The following PCDHA7 variants were observed in gnomAD, a reference collection of about 807,000 sequenced individuals.
PCDHA7 encodes the protein protocadherin alpha-7.
PCDHA7 carries 37 observed loss-of-function variants against 57.2 expected under a neutral mutation model. The observed-to-expected ratio is 0.65, with a 90% CI of 0.50 to 0.85. The LOEUF (loss-of-function observed/expected upper bound fraction) is 0.85. PCDHA7 is among the 40% of genes least tolerant of loss of function. PCDHA7 has a pLI of 0.00. For missense variants in PCDHA7, 1,188 were observed against 1,241.8 expected (o/e 0.96, Z 0.65); for synonymous variants, 553 against 558.8 (o/e 0.99, Z 0.15).
At chr5:140,872,472 A>T (rs1251918712) in intron 1 of PCDHA7, among the ~76,000 whole-genome samples, 1 of 152,106 alleles carries the variant, frequency 6.6e-6, no homozygotes, top group South Asian at 2.1e-4. Context: ...ATAAAAAATT[A>T]AAAAATTAGC....
intron 1 of PCDHA7, among the ~76,000 whole-genome samples, chr5:140,879,820 T>C (rs917285977): frequency 6.6e-6 from 1 of 152,232 alleles, no homozygotes; most frequent in Non-Finnish European, 1.5e-5. Flanking sequence ...CTGTTGGTGT[T>C]CCCTGGCTTG....
At chr5:141,000,030 C>T (rs1261016075) in intron 3 of PCDHA7, among the ~76,000 whole-genome samples, 3 of 152,058 alleles carry the variant, frequency 2.0e-5, no homozygotes, top group African/African-American at 7.2e-5. Flanking sequence ...GCCTGACATC[C>T]AATCACACAC....
intron 1 of PCDHA7, among the ~76,000 whole-genome samples, chr5:140,899,099 A>G (rs1379248424): frequency 6.6e-6 from 1 of 152,162 alleles, no homozygotes; most frequent in African/African-American, 2.4e-5. Context: ...GGCTGAGATA[A>G]TGGGGTTTTC....
At chr5:140,856,225 G>A (rs1554148421) in intron 1 of PCDHA7, 1 of 1,598,066 alleles carries the variant, frequency 6.3e-7, no homozygotes, top group Non-Finnish European at 8.6e-7. Context: ...CGGAGCTGGT[G>A]CAGCGCCTGT....
chr5:140,870,229 C>T (rs781897836), intron 1 of PCDHA7: 13 of 1,614,046 alleles, frequency 8.1e-6, no homozygotes, highest in East Asian at 4.5e-5. Context: ...CGTGTCTGAC[C>T]GTGACTCAGG....
intron 1 of PCDHA7, among the ~76,000 whole-genome samples, chr5:140,950,272 C>G (rs928839890): frequency 2.0e-5 from 3 of 151,950 alleles, no homozygotes; most frequent in Non-Finnish European, 4.4e-5. Flanking sequence ...TCCATAATGT[C>G]TTTTTGCTTC....
intron 1 of PCDHA7, chr5:140,877,906 A>C: frequency 7.0e-7 from 1 of 1,435,008 alleles, no homozygotes; most frequent in Non-Finnish European, 9.2e-7. Flanking sequence ...TTATAACTAC[A>C]TTCTCTCATT....
At chr5:140,868,810 G>C (rs944762063) in intron 1 of PCDHA7, 6 of 369,934 alleles carry the variant, frequency 1.6e-5, no homozygotes, top group African/African-American at 1.2e-4. Flanking sequence ...AAGCACGTTG[G>C]AAATATTTGG....
In PCDHA7 at chr5:140,835,883, C is replaced by T. The variant is rs149268300; in HGVS notation, c.1500C>T (p.Gly500=). ...VSYSLVELRV[G]ERALSSYVSV... Reference sequence around the variant, plus strand: ...ACTCGCTGGTGGAGCTGCGGGTGGGCGAGCGCGCGCTGTCGAGCTACGTGT... The same window carrying T: ...ACTCGCTGGTGGAGCTGCGGGTGGGTGAGCGCGCGCTGTCGAGCTACGTGT... The change falls in exon 1 of 4, where the codon GGC becomes GGT. Residue 500 remains glycine (G), a synonymous_variant. Coordinates refer to ENST00000525929, the MANE Select transcript of PCDHA7 (RefSeq NM_018910.3). 5.5e-4 allele frequency: 882 copies of T among 1,611,944 alleles called. 10 individuals carry two copies. In the African/African-American group the frequency reaches 9.6e-3, roughly 17 times the overall value.
chr5:140,883,093 A>T (rs1035461317), intron 1 of PCDHA7: 1 of 1,614,146 alleles, frequency 6.2e-7, no homozygotes, highest in Non-Finnish European at 8.5e-7. Flanking sequence ...GTACAAATGG[A>T]GATATAGTTT....
intron 1 of PCDHA7, chr5:140,877,590 G>T: frequency 1.2e-6 from 2 of 1,613,826 alleles, no homozygotes; most frequent in Non-Finnish European, 1.7e-6. Flanking sequence ...CCATCTGTGC[G>T]GTGTCCAGCC....
chr5:140,898,817 C>T (rs1381051036), intron 1 of PCDHA7, among the ~76,000 whole-genome samples: 1 of 151,766 alleles, frequency 6.6e-6, no homozygotes, highest in Admixed American at 6.6e-5. Context: ...TCTTCCTACC[C>T]ATGAGCATGG....
At chr5:140,942,434 T>C (rs2093297092) in intron 1 of PCDHA7, among the ~76,000 whole-genome samples, 1 of 151,244 alleles carries the variant, frequency 6.6e-6, no homozygotes, top group African/African-American at 2.4e-5. Flanking sequence ...TATCTAACAA[T>C]AAACAAGTAA....
intron 1 of PCDHA7, chr5:140,857,881 G>T: frequency 6.3e-7 from 1 of 1,597,760 alleles, no homozygotes; most frequent in Non-Finnish European, 8.6e-7. Context: ...ATGAATTGCA[G>T]TCGGCGGCGG....
In PCDHA7 at chr5:140,892,541, T is replaced by G. The variant is rs192378744; in HGVS notation, c.2355+55803T>G. Among the ~76,000 whole-genome samples, 3 of 152,250 alleles carry G rather than the reference T, an allele frequency of 2.0e-5. 1 individual carries two copies. The highest frequency in any genetic ancestry group is 7.2e-5 in the African/African-American group (3 of 41,464). ...CTGGTAGACTCAGGATTCTGACTTT[T>G]GTTTCTCTAGTCCTTGGAGACTGTC... On this transcript the variant is annotated intron_variant, in intron 1 of 3. Transcript: ENST00000525929.
intron 1 of PCDHA7, chr5:140,875,666 G>A (rs781866030): frequency 1.2e-6 from 2 of 1,613,786 alleles, no homozygotes; most frequent in East Asian, 4.5e-5. Flanking sequence ...CGCCTGTTCC[G>A]GGTGGCGTCC....
At chr5:140,977,307 G>C (rs1023836424) in intron 1 of PCDHA7, among the ~76,000 whole-genome samples, 1 of 152,186 alleles carries the variant, frequency 6.6e-6, no homozygotes, top group Admixed American at 6.5e-5. Flanking sequence ...ACAAGCTAAC[G>C]ATAGTGCTCC....
chr5:140,917,333 G>GT (rs1401985588), intron 1 of PCDHA7, among the ~76,000 whole-genome samples: 2 of 148,632 alleles, frequency 1.3e-5, no homozygotes, highest in Admixed American at 6.7e-5. Context: ...GCGGGGGAGG[G>GT]GGGGGATGGT....
chr5:140,883,483 C>A, intron 1 of PCDHA7: 1 of 1,614,196 alleles, frequency 6.2e-7, no homozygotes, highest in African/African-American at 1.3e-5. Flanking sequence ...AGAACTACTA[C>A]TCATTAGTGC....
Sources: gnomAD v4.1 joint callset for allele counts (sites outside exome capture counted in the v4.1 genomes callset) on GRCh38, gnomAD v4.1.1 for gene constraint, MANE v1.5 for transcripts, NCBI Gene and HGNC (gene_info 2026-07-23, HGNC 2026-07-21) for gene names.